Variants in CREB5 observed in about 807,000 individuals in gnomAD.
CREB5 encodes the protein cyclic AMP-responsive element-binding protein 5.
In CREB5, 19 loss-of-function variants were observed where a neutral mutation model predicts 57.1. That is an observed-to-expected ratio of 0.33 (90% CI 0.23 to 0.49). The LOEUF is 0.49. CREB5 is among the 20% of genes least tolerant of loss of function. The pLI, the probability that CREB5 is intolerant of heterozygous loss-of-function variation, is 0.99. For missense variants in CREB5, 579 were observed against 671.6 expected (o/e 0.86, Z 1.52); for synonymous variants, 238 against 238.3 (o/e 1.00, Z 0.01).
chr7:28,514,941 C>T lies in CREB5; in HGVS notation c.291+7204C>T, dbSNP rs550614799. 3.4e-5 allele frequency among the ~76,000 whole-genome samples: 5 copies of T among 146,476 alleles called. No homozygotes were observed. The South Asian group carries it at 1.1e-3, about 33-fold the overall frequency. The stretch of plus-strand genomic sequence containing the variant: ...TATTTTATTTCCATCATGATGATTG[C>T]TAGGGAAGCTGGACGTTAATTTTGG... On this transcript the variant is annotated intron_variant, in intron 4 of 10. Coordinates refer to ENST00000357727, the MANE Select transcript of CREB5 (RefSeq NM_182898.4).
At chr7:28,526,982 C>T (rs1339248092) in intron 4 of CREB5, among the ~76,000 whole-genome samples, 3 of 152,204 alleles carry the variant, frequency 2.0e-5, no homozygotes, top group African/African-American at 7.2e-5. Context: ...ATACTCTACA[C>T]CCCTTATGAA....
At position 28,300,050 on chromosome 7, in the gene CREB5, CTTTATTTATTTATTTATTTATTTA is replaced by C. The variant is rs150788504; in HGVS notation, c.-25+636_-25+659del. Among the ~76,000 whole-genome samples the C allele has an allele frequency of 2.1e-4, 30 of 144,420 alleles. 1 individual carries two copies. The highest frequency in any genetic ancestry group is 3.4e-3 in the Middle Eastern group (1 of 290). The allele number at this position is 144,420 out of a possible 152,430, so 94.7% of individuals were successfully genotyped here. On this transcript the variant is annotated intron_variant, in intron 1 of 9. Coordinates refer to the CREB5 transcript ENST00000396299. ...TTTTGTTATTTATACTGCTTTTTAG[CTTTATTTATTTATTTATTTATTTA>C]TTTATTTATTTATTTATTTATTTAT... is the stretch of plus-strand genomic sequence containing the variant.
intron 5 of CREB5, among the ~76,000 whole-genome samples, chr7:28,636,399 G>C (rs866228902): frequency 6.6e-6 from 1 of 152,136 alleles, no homozygotes; most frequent in Non-Finnish European, 1.5e-5. Context: ...TGGTACTGAT[G>C]ACTTTATCAT....
At chr7:28,705,450 G>A (rs963408419) in intron 5 of CREB5, among the ~76,000 whole-genome samples, 4 of 151,490 alleles carry the variant, frequency 2.6e-5, no homozygotes, top group East Asian at 1.9e-4. Flanking sequence ...AACACTTACC[G>A]CCAGTGAGCA....
chr7:28,410,050 G>A (rs562029129), upstream of CREB5: 19 of 435,426 alleles, frequency 4.4e-5, no homozygotes, highest in South Asian at 1.3e-4. Flanking sequence ...CGAGGACGCC[G>A]GGTCACCTAG....
chr7:28,320,004 C>T (rs1252090406), intron 1 of CREB5, among the ~76,000 whole-genome samples: 3 of 151,990 alleles, frequency 2.0e-5, no homozygotes, highest in African/African-American at 7.3e-5. Context: ...GATCTTGGCT[C>T]ACTGCAACCT....
At chr7:28,593,232 G>T (rs216753) in intron 5 of CREB5, among the ~76,000 whole-genome samples, 152,005 of 152,354 alleles carry the variant, frequency 1, 75,830 homozygotes, top group Middle Eastern at 1. Flanking sequence ...TTATTTTATT[G>T]ATTTTTTAAA....
chr7:28,319,615 C>A (rs1459279978), intron 1 of CREB5, among the ~76,000 whole-genome samples: 1 of 152,130 alleles, frequency 6.6e-6, no homozygotes, highest in Non-Finnish European at 1.5e-5. Flanking sequence ...GGTGACTCCT[C>A]CGCTCTACCC....
chr7:28,335,721 A>G (rs1785810505), intron 1 of CREB5, among the ~76,000 whole-genome samples: 1 of 152,136 alleles, frequency 6.6e-6, no homozygotes, highest in Non-Finnish European at 1.5e-5. Context: ...TGCTCTAGCT[A>G]GGACTTCCAG....
chr7:28,659,953 C>G (rs1344937560), intron 5 of CREB5, among the ~76,000 whole-genome samples: 2 of 152,156 alleles, frequency 1.3e-5, no homozygotes, highest in Non-Finnish European at 2.9e-5. Flanking sequence ...TTAAAGGAAA[C>G]TGCTGTCCTA....
chr7:28,477,186 G>A (rs890124732), intron 1 of CREB5, among the ~76,000 whole-genome samples: 1 of 152,322 alleles, frequency 6.6e-6, no homozygotes, highest in South Asian at 2.1e-4. Context: ...ACTGTCCACA[G>A]GCCACTTTCC....
chr7:28,632,086 G>A (rs1325234867), intron 5 of CREB5, among the ~76,000 whole-genome samples: 1 of 152,160 alleles, frequency 6.6e-6, no homozygotes, highest in Non-Finnish European at 1.5e-5. Context: ...CACTTCCAAA[G>A]CACAGCTTGG....
intron 5 of CREB5, among the ~76,000 whole-genome samples, chr7:28,668,503 G>T (rs1799913219): frequency 6.6e-6 from 1 of 152,058 alleles, no homozygotes; most frequent in African/African-American, 2.4e-5. Context: ...CAAAAGAATT[G>T]CTATGGCCAA....
rs1482093541 is a variant in CREB5 at position 28,804,226 on chromosome 7, CCTG to C, written c.735_737del (p.Ala246del). On this transcript the variant is annotated inframe_deletion, in exon 8 of 11. Coordinates refer to ENST00000357727, the MANE Select transcript of CREB5 (RefSeq NM_182898.4). ...GTTGAAGGCTGCATTGACTCACCAC[CCTG>C]CTGCCATGTCAAATGGGAACATGAA... The C allele has an allele frequency of 1.4e-5, 23 of 1,613,748 alleles. No homozygotes were observed. The highest frequency in any genetic ancestry group is 1.9e-5 in the Non-Finnish European group (23 of 1,179,808).
chr7:28,654,941 G>A (rs950669726), intron 5 of CREB5, among the ~76,000 whole-genome samples: 19 of 152,092 alleles, frequency 1.2e-4, no homozygotes, highest in African/African-American at 4.6e-4. Context: ...GACAGGGTCT[G>A]ACTCCATCAC....
intron 1 of CREB5, among the ~76,000 whole-genome samples, chr7:28,343,543 T>C (rs1453586298): frequency 1.3e-5 from 2 of 152,252 alleles, no homozygotes; most frequent in Non-Finnish European, 2.9e-5. Context: ...TTATTTTTAA[T>C]GGCCAAATCA....
rs1562665228 is a variant in CREB5 at position 28,820,198 on chromosome 7, G to C, written c.*919G>C. On this transcript the variant is annotated 3_prime_UTR_variant, in exon 11 of 11. Coordinates refer to ENST00000357727, the MANE Select transcript of CREB5 (RefSeq NM_182898.4). ...ATAAGTGAAGCATGGTTGAATACCAGCTGGGGAGACACTAGGGAAGGGAGC... is the reference window on the plus strand; with the variant it reads ...ATAAGTGAAGCATGGTTGAATACCACCTGGGGAGACACTAGGGAAGGGAGC... The C allele has an allele frequency of 6.6e-6, 1 of 152,558 alleles. No individual in the cohort carries two copies. The highest frequency in any genetic ancestry group is 1.5e-5 in the Non-Finnish European group (1 of 68,032). The allele number at this position is 152,558 out of a possible 1,614,324, so 9.5% of individuals were successfully genotyped here. A position where few individuals can be genotyped will look rare whatever the true frequency, so the allele number is the denominator to read the frequency against.
intron 8 of CREB5, among the ~76,000 whole-genome samples, chr7:28,808,946 C>G (rs774011989): frequency 5.3e-5 from 8 of 152,136 alleles, no homozygotes; most frequent in Non-Finnish European, 1.2e-4. Flanking sequence ...CTGACTACAT[C>G]TTTTCACGAG....
intron 5 of CREB5, among the ~76,000 whole-genome samples, chr7:28,696,965 A>G (rs1436859878): frequency 6.6e-6 from 1 of 151,720 alleles, no homozygotes; most frequent in Non-Finnish European, 1.5e-5. Context: ...TTATACACAC[A>G]TATATATATT....
Sources: gnomAD v4.1 joint callset for allele counts (sites outside exome capture counted in the v4.1 genomes callset) on GRCh38, gnomAD v4.1.1 for gene constraint, MANE v1.5 for transcripts, NCBI Gene and HGNC (gene_info 2026-07-23, HGNC 2026-07-21) for gene names.